The following SLC22A15 variants were observed in gnomAD, a reference collection of about 807,000 sequenced individuals.
SLC22A15 encodes flipt 1.
Under a neutral mutation model 62.7 loss-of-function variants are expected in SLC22A15, and 45 were observed. The ratio of observed to expected loss-of-function variants is 0.72; its 90% CI spans 0.56 to 0.92. SLC22A15 has a LOEUF of 0.92. SLC22A15 is among the 40% of genes least tolerant of loss of function. The pLI, the probability that SLC22A15 is intolerant of heterozygous loss-of-function variation, is 0.00. For synonymous variants in SLC22A15, 264 were observed against 267.0 expected (o/e 0.99, Z 0.11); for missense variants, 622 against 665.6 (o/e 0.93, Z 0.72).
intron 6 of SLC22A15, among the ~76,000 whole-genome samples, chr1:116,034,680 A>G (rs1657566653): frequency 6.6e-6 from 1 of 152,154 alleles, no homozygotes; most frequent in African/African-American, 2.4e-5. Context: ...TGGGGATTGG[A>G]GTGCCAGTCA....
chr1:116,038,021 A>T (rs892260474), intron 8 of SLC22A15, among the ~76,000 whole-genome samples: 1 of 152,134 alleles, frequency 6.6e-6, no homozygotes, highest in Non-Finnish European at 1.5e-5. Context: ...CTGTGTAGAC[A>T]TTCTGTAGCT....
intron 1 of SLC22A15, among the ~76,000 whole-genome samples, chr1:115,984,556 A>G (rs1048288693): frequency 5.3e-5 from 8 of 152,168 alleles, no homozygotes; most frequent in Non-Finnish European, 1.2e-4. Flanking sequence ...AAAAATTCCT[A>G]TTGCCTAGTA....
At chr1:116,059,109 A>G (rs952959588) in intron 8 of SLC22A15, among the ~76,000 whole-genome samples, 1 of 152,192 alleles carries the variant, frequency 6.6e-6, no homozygotes, top group Admixed American at 6.5e-5. Context: ...TATGGAAACT[A>G]AAATAAAAAT....
intron 1 of SLC22A15, among the ~76,000 whole-genome samples, chr1:115,982,500 A>AT (rs1654658303): frequency 6.6e-6 from 1 of 152,192 alleles, no homozygotes. Flanking sequence ...GAACAACTAC[A>AT]TATTTTTTAG....
chr1:116,032,566 T>C (rs1657459482), intron 6 of SLC22A15: 1 of 985,460 alleles, frequency 1.0e-6, no homozygotes, highest in Non-Finnish European at 1.2e-6. Context: ...TTCTATATCA[T>C]ATACTCTTTT....
chr1:116,047,535 A>C (rs1397559900), intron 8 of SLC22A15, among the ~76,000 whole-genome samples: 1 of 152,200 alleles, frequency 6.6e-6, no homozygotes, highest in Non-Finnish European at 1.5e-5. Flanking sequence ...TGAGAGACCC[A>C]TAGACAGTTC....
Position 116,067,393 on chromosome 1 carries a change from T to A in SLC22A15, c.*285T>A, listed in dbSNP as rs541872198. ...AACAGCCCAAACCCACATTCCAAAG[T>A]GGTAGGCTCATTTGTTTCTAGAGAT... On this transcript the variant is annotated 3_prime_UTR_variant, in exon 12 of 12. Transcript: ENST00000369503. 8 of 338,254 alleles carry A rather than the reference T, an allele frequency of 2.4e-5. No homozygotes were observed. The highest frequency in any genetic ancestry group is 1.5e-4 in the East Asian group (3 of 19,532). The allele number at this position is 338,254 out of a possible 1,614,324, so 21.0% of individuals were successfully genotyped here.
Position 116,029,407 on chromosome 1 carries a change from C to T in SLC22A15, c.729-1959C>T, listed in dbSNP as rs944733415. Among the ~76,000 whole-genome samples the T allele has an allele frequency of 1.3e-4, 20 of 152,086 alleles. No homozygotes were observed. In the East Asian group the frequency reaches 3.7e-3, roughly 28 times the overall value. The stretch of plus-strand genomic sequence containing the variant: ...GCATTTTAGCTTTCAAAGGAGCCCA[C>T]GGCACAGATGACCCTGCTGCTATGT... On this transcript the variant is annotated intron_variant, in intron 5 of 11. Coordinates refer to ENST00000369503, the MANE Select transcript of SLC22A15 (RefSeq NM_018420.3).
intron 10 of SLC22A15, among the ~76,000 whole-genome samples, chr1:116,066,068 A>G (rs1262662483): frequency 1.3e-5 from 2 of 152,166 alleles, no homozygotes; most frequent in African/African-American, 2.4e-5. Context: ...CTTAAGGTAT[A>G]TAGGATGGTT....
chr1:116,065,418 G>A (rs1658473166), intron 10 of SLC22A15, among the ~76,000 whole-genome samples: 1 of 152,172 alleles, frequency 6.6e-6, no homozygotes, highest in Non-Finnish European at 1.5e-5. Flanking sequence ...TACTGTTAGA[G>A]ATATCTGACT....
Position 116,019,608 on chromosome 1 carries a change from CAAA to C in SLC22A15, c.328_330del (p.Lys110del). On this transcript the variant is annotated inframe_deletion, in exon 3 of 12. Transcript: ENST00000369503. ...GGTTTTTAATTGCCAACAGATCCTA[CAAA>C]GTCAGTGCAGCAAGCTCTTTTTTCT... is the stretch of plus-strand genomic sequence containing the variant. 1 of 1,610,584 alleles carries C rather than the reference CAAA, an allele frequency of 6.2e-7. No individual in the cohort carries two copies. Among genetic ancestry groups the C allele is most frequent in the Non-Finnish European group, 8.5e-7 (1 of 1,178,992 alleles).
At chr1:115,986,151 A>G (rs1250002248) in intron 1 of SLC22A15, among the ~76,000 whole-genome samples, 1 of 151,990 alleles carries the variant, frequency 6.6e-6, no homozygotes, top group Admixed American at 6.6e-5. Context: ...CCTAGTCTTA[A>G]TTAGTGATTG....
chr1:115,981,971 A>G (rs749185297), intron 1 of SLC22A15, among the ~76,000 whole-genome samples: 41 of 152,368 alleles, frequency 2.7e-4, no homozygotes, highest in Non-Finnish European at 5.0e-4. Context: ...CAAATGACCC[A>G]TCAGTCTCTA....
At chr1:116,052,041 AGACAGTGGGCGCAG>A (rs1658067758) in intron 8 of SLC22A15, among the ~76,000 whole-genome samples, 1 of 152,214 alleles carries the variant, frequency 6.6e-6, no homozygotes, top group African/African-American at 2.4e-5. Context: ...AGGGAGTGCC[AGACAGTGGGCGCAG>A]GACAGTGGGT....
chr1:116,018,407 CAGGCTGGA>C (rs1656650128), intron 2 of SLC22A15, among the ~76,000 whole-genome samples: 1 of 152,004 alleles, frequency 6.6e-6, no homozygotes, highest in African/African-American at 2.4e-5. Context: ...CTCTGTCTCC[CAGGCTGGA>C]GTGCAGTGGC....
intron 7 of SLC22A15, among the ~76,000 whole-genome samples, chr1:116,036,346 G>T (rs1570758799): frequency 6.6e-6 from 1 of 152,190 alleles, no homozygotes; most frequent in South Asian, 2.1e-4. Context: ...TGTATCCCTG[G>T]TGCTTGCCTA....
At chr1:115,998,453 C>A (rs1369119354) in intron 2 of SLC22A15, among the ~76,000 whole-genome samples, 1 of 151,988 alleles carries the variant, frequency 6.6e-6, no homozygotes, top group Non-Finnish European at 1.5e-5. Flanking sequence ...TTTATTATGT[C>A]TTTGATCTGG....
At chr1:115,989,308 C>G (rs1655034986) in intron 1 of SLC22A15, among the ~76,000 whole-genome samples, 1 of 152,254 alleles carries the variant, frequency 6.6e-6, no homozygotes, top group Middle Eastern at 3.4e-3. Flanking sequence ...TTTCACTATT[C>G]CCTACATTAT....
intron 6 of SLC22A15, 41 bp downstream of exon 6, chr1:116,031,622 G>T (rs1237323498): frequency 2.5e-6 from 4 of 1,606,160 alleles, no homozygotes; most frequent in South Asian, 1.1e-5. Context: ...TTTAACTAAG[G>T]TTGCTCGAGC....
Sources: allele counts gnomAD v4.1 joint callset (sites outside exome capture counted in the v4.1 genomes callset), GRCh38; gene constraint gnomAD v4.1.1; transcripts MANE v1.5; gene names NCBI Gene and HGNC (gene_info 2026-07-23, HGNC 2026-07-21).